Variants in NBPF8 observed in about 807,000 individuals in gnomAD.
NBPF8 encodes NBPF family member NBPF8.
In NBPF8 at chr1:120,452,073, T is replaced by C. The variant is rs1254131129; in HGVS notation, n.2075-44T>C. ...CTGTTGCAATATTTGAGCGGATCAC[T>C]CAACCCTTTCCACTCTTAAATTTTC... On this transcript the variant is annotated intron_variant and non_coding_transcript_variant, in intron 12 of 24. Coordinates refer to ENST00000583271, the Ensembl canonical transcript of NBPF8. The C allele has an allele frequency of 1.8e-4, 255 of 1,436,316 alleles. 1 individual carries two copies. In the South Asian group the frequency reaches 2.7e-3, roughly 15 times the overall value. The allele number at this position is 1,436,316 out of a possible 1,614,324, so 89.0% of individuals were successfully genotyped here. A position where few individuals can be genotyped will look rare whatever the true frequency, so the allele number is the denominator to read the frequency against.
chr1:120,415,568 C>T (rs1553245048), upstream of NBPF8, among the ~76,000 whole-genome samples: 21 of 152,274 alleles, frequency 1.4e-4, no homozygotes, highest in Non-Finnish European at 2.6e-4. Flanking sequence ...GGGGGCACGT[C>T]CTCGTGTATC....
intron 8 of NBPF8, among the ~76,000 whole-genome samples, chr1:120,446,219 A>C (rs1475698131): frequency 1.4e-5 from 2 of 142,982 alleles, no homozygotes; most frequent in Non-Finnish European, 3.1e-5. Context: ...CATGGTTTGG[A>C]GGTCACAGTA....
At chr1:120,419,239 T>A (rs1278606931), upstream of NBPF8, among the ~76,000 whole-genome samples, 1 of 152,216 alleles carries the variant, frequency 6.6e-6, no homozygotes, top group African/African-American at 2.4e-5. Context: ...TTGTATGTGT[T>A]GCTGCTAAGA....
intron 17 of NBPF8, among the ~76,000 whole-genome samples, chr1:120,460,323 A>G (rs1456163326): frequency 1.3e-5 from 2 of 152,200 alleles, no homozygotes; most frequent in African/African-American, 4.8e-5. Context: ...ATTTGTGTAC[A>G]TAAACCTAGG....
chr1:120,420,887 G>C (rs1417415425), intron 1 of NBPF8, among the ~76,000 whole-genome samples: 16 of 147,570 alleles, frequency 1.1e-4, no homozygotes, highest in Middle Eastern at 3.5e-3. Context: ...TTGAGAGGGG[G>C]AGAAAGAAAG....
chr1:120,431,240 T>C (rs1187795793), intron 3 of NBPF8, among the ~76,000 whole-genome samples: 5 of 113,990 alleles, frequency 4.4e-5, no homozygotes, highest in Admixed American at 1.7e-4. Flanking sequence ...TATACACACA[T>C]ACACACACAA....
At chr1:120,466,174 A>G in exon 25 of NBPF8, 2 of 1,609,740 alleles carry the variant, frequency 1.2e-6, no homozygotes, top group Admixed American at 1.7e-5. Context: ...TTTGACGGTG[A>G]CAAGTCTCTA....
intron 17 of NBPF8, among the ~76,000 whole-genome samples, chr1:120,459,995 T>A (rs1350639487): frequency 6.6e-6 from 1 of 152,144 alleles, no homozygotes; most frequent in Non-Finnish European, 1.5e-5. Context: ...CAGGTTTCAC[T>A]GAATTTATTC....
intron 17 of NBPF8, among the ~76,000 whole-genome samples, chr1:120,459,750 G>C (rs112864682): frequency 6.6e-6 from 1 of 152,210 alleles, no homozygotes; most frequent in African/African-American, 2.4e-5. Flanking sequence ...CGCCATGCCC[G>C]TGCCAACCTG....
At chr1:120,464,134 T>A (rs1661668872) in intron 22 of NBPF8, among the ~76,000 whole-genome samples, 1 of 33,982 alleles carries the variant, frequency 2.9e-5, no homozygotes, top group African/African-American at 1.8e-4. Flanking sequence ...TCTCTCTCTC[T>A]GTGTGTGTGT....
chr1:120,424,588 C>T (rs1173822583), intron 1 of NBPF8, among the ~76,000 whole-genome samples: 2 of 152,206 alleles, frequency 1.3e-5, no homozygotes, highest in East Asian at 3.9e-4. Context: ...GCTGGGATTA[C>T]AGGCGCCTGC....
intron 16 of NBPF8, among the ~76,000 whole-genome samples, chr1:120,456,861 A>G (rs1215092211): frequency 4.6e-5 from 7 of 151,918 alleles, no homozygotes; most frequent in Non-Finnish European, 8.8e-5. Context: ...CCTAGCGTCA[A>G]TGGTCTTTAC....
chr1:120,449,587 C>G (rs2101671904), intron 11 of NBPF8, among the ~76,000 whole-genome samples, 185 bp downstream of exon 9: 1 of 152,168 alleles, frequency 6.6e-6, no homozygotes, highest in Admixed American at 6.5e-5. Flanking sequence ...TAGCAACTTT[C>G]CATGTTTTCA....
upstream of NBPF8, among the ~76,000 whole-genome samples, chr1:120,434,429 A>G: frequency 6.8e-6 from 1 of 146,548 alleles, no homozygotes; most frequent in Admixed American, 6.9e-5. Flanking sequence ...ATATATATAT[A>G]CGTGTGCCAT....
intron 12 of NBPF8, among the ~76,000 whole-genome samples, chr1:120,451,815 A>T (rs1445780859): frequency 6.7e-6 from 1 of 150,324 alleles, no homozygotes; most frequent in Non-Finnish European, 1.5e-5. Flanking sequence ...GTCCATGGCC[A>T]GAGTGAGGAA....
chr1:120,468,546 G>C (rs1342056505), downstream of NBPF8, among the ~76,000 whole-genome samples: 1 of 150,754 alleles, frequency 6.6e-6, no homozygotes, highest in Non-Finnish European at 1.5e-5. Flanking sequence ...ATTCGATTTT[G>C]TTCTACCAGG....
chr1:120,434,874 A>T (rs1329624167), upstream of NBPF8, among the ~76,000 whole-genome samples: 1 of 103,622 alleles, frequency 9.7e-6, no homozygotes, highest in Non-Finnish European at 1.9e-5. Context: ...CACAATAAGA[A>T]ATCAAGCGAA....
At chr1:120,433,499 T>A (rs1224364350), upstream of NBPF8, 1 of 153,178 alleles carries the variant, frequency 6.5e-6, no homozygotes, top group Non-Finnish European at 1.5e-5. Context: ...TGGGGGAAGG[T>A]GTCTGTCCAT....
At chr1:120,419,578 C>A (rs1207113243), upstream of NBPF8, among the ~76,000 whole-genome samples, 2 of 152,186 alleles carry the variant, frequency 1.3e-5, no homozygotes, top group Non-Finnish European at 2.9e-5. Context: ...CCTGCCTCAA[C>A]CTTCAGAGTA....
Sources: gnomAD v4.1 joint callset for allele counts (sites outside exome capture counted in the v4.1 genomes callset) on GRCh38, gnomAD v4.1.1 for gene constraint, MANE v1.5 for transcripts, NCBI Gene and HGNC (gene_info 2026-07-23, HGNC 2026-07-21) for gene names.